APBA1: variants seen among roughly 807,000 people sequenced by gnomAD.
APBA1 encodes amyloid beta precursor protein binding family A member 1.
In APBA1, 55 loss-of-function variants were observed where a neutral mutation model predicts 86.6. The ratio of observed to expected loss-of-function variants is 0.64; its 90% CI spans 0.51 to 0.80. The LOEUF (loss-of-function observed/expected upper bound fraction) is 0.80. Ranked by LOEUF, APBA1 falls within the 30% of genes least tolerant of loss-of-function variation. APBA1 has a pLI of 0.00. For missense variants in APBA1, 1,090 were observed against 1,183.0 expected, an observed-to-expected ratio of 0.92 and a Z score of 1.15; for synonymous variants, 511 against 493.9, an observed-to-expected ratio of 1.03 and a Z score of -0.46.
intron 2 of APBA1, among the ~76,000 whole-genome samples, chr9:69,513,802 G>A (rs749865784): frequency 2.0e-5 from 3 of 152,164 alleles, no homozygotes; most frequent in Non-Finnish European, 2.9e-5. Context: ...TCTGACCTGC[G>A]TAGCTCTTTA....
At chr9:69,459,718 T>C (rs922368942) in intron 5 of APBA1, among the ~76,000 whole-genome samples, 2 of 152,242 alleles carry the variant, frequency 1.3e-5, no homozygotes, top group African/African-American at 4.8e-5. Flanking sequence ...TGTGCAACTT[T>C]GAGGCAAGCC....
rs188190996 is a variant in APBA1, at chr9:69,432,346, G to A, written c.2442+190C>T. On this transcript the variant is annotated intron_variant, in intron 12 of 12. Transcript: ENST00000265381. ...GGTGATCTGATTCCATTTCATGGAGGAGCTCCCAGATAACTGCTTGCTAAT... is the reference window on the plus strand; with the variant it reads ...GGTGATCTGATTCCATTTCATGGAGAAGCTCCCAGATAACTGCTTGCTAAT... 8.2e-4 allele frequency among the ~76,000 whole-genome samples: 125 copies of A among 152,342 alleles called. 1 individual carries two copies. The highest frequency in any genetic ancestry group is 1.5e-3 in the Non-Finnish European group (102 of 68,034).
chr9:69,482,800 A>G (rs1031654749), intron 2 of APBA1, among the ~76,000 whole-genome samples: 3 of 152,028 alleles, frequency 2.0e-5, no homozygotes, highest in African/African-American at 7.2e-5. Context: ...AGCCATAAAA[A>G]ATGATGAGTT....
Position 69,456,375 on chromosome 9 carries a change from T to C in APBA1, c.1660A>G (p.Ile554Val). 1.2e-6 allele frequency: 2 copies of C among 1,613,558 alleles called. No individual in the cohort carries two copies. Among genetic ancestry groups the C allele is most frequent in the African/African-American group, 1.3e-5 (1 of 75,040 alleles). ...TISYIADIGN[I>V]VVLMARRRMP... The stretch of plus-strand genomic sequence containing the variant: ...CGCCGGCGGGCCATCAGCACAACGA[T>C]GTTCCCAATGTCCGCAATGTAGGAA... The change falls in exon 8 of 13, where the codon ATC becomes GTC. Residue 554 changes from isoleucine to valine, a missense_variant. Ile to Val is a conservative substitution (Grantham distance 29). Transcript: ENST00000265381.
In APBA1 at chr9:69,516,237, G is replaced by A. The variant is rs1298557641; in HGVS notation, c.974C>T (p.Ala325Val). Residue 325 changes from alanine to valine, a missense_variant, in exon 2 of 13, where the codon GCG (alanine) becomes GTG (valine). Ala to Val is a moderately conservative substitution (Grantham distance 64). Around this residue, in one of 6 missense-constraint regions of APBA1, gnomAD observed 678 missense variants for 647.1 expected, o/e 1.05. Coordinates refer to ENST00000265381, the MANE Select transcript of APBA1 (RefSeq NM_001163.4). The surrounding 1 kb of genome is among the most constrained non-coding windows in gnomAD (Gnocchi z 7.3). ...GLQAPAGQQR[A>V]VGPAGGGEAG... ...CTCGCCGCCGCCCGCGGGGCCCACC[G>A]CCCGCTGCTGCCCCGCCGGCGCCTG... is the stretch of plus-strand genomic sequence containing the variant. 7.2e-7 allele frequency: 1 copy of A among 1,386,882 alleles called. No homozygotes were observed. Among genetic ancestry groups the A allele is most frequent in the Non-Finnish European group, 9.3e-7 (1 of 1,072,472 alleles). 85.9% of individuals were successfully genotyped at this position (1,386,882 alleles called of 1,614,324 possible). A position where few individuals can be genotyped will look rare whatever the true frequency, so the allele number is the denominator to read the frequency against.
At chr9:69,432,724 G>T in intron 11 of APBA1, 48 bp from the exon 12 acceptor site, 1 of 1,416,062 alleles carries the variant, frequency 7.1e-7, no homozygotes, top group African/African-American at 1.5e-5. Flanking sequence ...CAGTGCGGTG[G>T]GGCTGGAAGG....
At position 69,516,585 on chromosome 9, in the gene APBA1, G is replaced by A; in HGVS notation, c.626C>T (p.Ala209Val). 6.2e-7 allele frequency: 1 copy of A among 1,602,840 alleles called. No individual in the cohort carries two copies. The highest frequency in any genetic ancestry group is 1.1e-5 in the South Asian group (1 of 90,896). The change falls in exon 2 of 13, where the codon GCA becomes GTA. Residue 209 changes from alanine to valine, a missense_variant. By Grantham distance (64) the Ala-to-Val change is moderately conservative. Coordinates refer to ENST00000265381, the MANE Select transcript of APBA1 (RefSeq NM_001163.4). The surrounding 1 kb of genome is among the most constrained non-coding windows in gnomAD (Gnocchi z 7.3). Reference sequence around the variant, plus strand: ...CTCGTAGAGCCGCAGGCCGTCGCGTGCGTCCAGCTCGGGCGCGTCCCCTAT... The same window carrying A: ...CTCGTAGAGCCGCAGGCCGTCGCGTACGTCCAGCTCGGGCGCGTCCCCTAT... ...EEIGDAPELD[A>V]RDGLRLYEQE...
intron 2 of APBA1, among the ~76,000 whole-genome samples, chr9:69,481,234 C>G (rs1188106009): frequency 6.6e-5 from 10 of 152,020 alleles, no homozygotes; most frequent in Admixed American, 6.5e-4. Context: ...CCCACTGTCT[C>G]AGCCCAAAAT....
chr9:69,474,474 G>C (rs1289653859), intron 3 of APBA1: 2 of 152,304 alleles, frequency 1.3e-5, no homozygotes, highest in East Asian at 1.9e-4. Context: ...CCAGTTCCTG[G>C]AACATTGTCA....
chr9:69,583,405 A>G (rs138716886), intron 1 of APBA1, among the ~76,000 whole-genome samples: 2 of 152,250 alleles, frequency 1.3e-5, no homozygotes, highest in African/African-American at 4.8e-5. Context: ...TAGGGGTTCA[A>G]CACCACAACC....
chr9:69,642,017 T>C (rs1823297923), intron 1 of APBA1, among the ~76,000 whole-genome samples: 1 of 152,208 alleles, frequency 6.6e-6, no homozygotes, highest in African/African-American at 2.4e-5. Flanking sequence ...GGCTAATTTT[T>C]TGTATTTTAG....
chr9:69,483,250 A>T (rs1170265512), intron 2 of APBA1, among the ~76,000 whole-genome samples: 2 of 151,574 alleles, frequency 1.3e-5, no homozygotes, highest in African/African-American at 4.8e-5. Flanking sequence ...CAAAAGGCAT[A>T]AAACACAGAG....
Position 69,511,587 on chromosome 9 carries a change from G to T in APBA1, c.1200+4424C>A, listed in dbSNP as rs1836041925. 1.3e-5 allele frequency among the ~76,000 whole-genome samples: 2 copies of T among 151,710 alleles called. 1 individual carries two copies. Among genetic ancestry groups the T allele is most frequent in the South Asian group, 4.2e-4 (2 of 4,806 alleles). On this transcript the variant is annotated intron_variant, in intron 2 of 12. Transcript: ENST00000265381. Reference sequence around the variant, plus strand: ...CCCATTACTGGGTATATACCCAGAGGACTATAAATCATGCTGCTATAAAGA... The same window carrying T: ...CCCATTACTGGGTATATACCCAGAGTACTATAAATCATGCTGCTATAAAGA...
intron 2 of APBA1, among the ~76,000 whole-genome samples, chr9:69,498,985 G>A (rs1007164095): frequency 6.6e-6 from 1 of 152,106 alleles, no homozygotes; most frequent in African/African-American, 2.4e-5. Context: ...AGGTCTGCCT[G>A]GAAAACACAC....
rs565857394 is a variant in APBA1, at chr9:69,566,384, G to C, written c.-69-49105C>G. Among the ~76,000 whole-genome samples, 13 of 152,284 alleles carry C rather than the reference G, an allele frequency of 8.5e-5. 1 individual carries two copies. The South Asian group carries it at 2.7e-3, about 32-fold the overall frequency. Reference sequence around the variant, plus strand: ...TATTTGTAGGTGGGTTTCTACACCTGATTGCAAGTTTCTTGAAGGCATGTA... The same window carrying C: ...TATTTGTAGGTGGGTTTCTACACCTCATTGCAAGTTTCTTGAAGGCATGTA... On this transcript the variant is annotated intron_variant, in intron 1 of 12. Coordinates refer to ENST00000265381, the MANE Select transcript of APBA1 (RefSeq NM_001163.4).
chr9:69,593,617 C>T (rs1001112651), intron 1 of APBA1, among the ~76,000 whole-genome samples: 21 of 152,114 alleles, frequency 1.4e-4, no homozygotes, highest in Admixed American at 1.3e-3. Context: ...GCCTGAAGCA[C>T]AAGTATTATT....
At chr9:69,607,680 C>A (rs1336934866) in intron 1 of APBA1, among the ~76,000 whole-genome samples, 1 of 152,108 alleles carries the variant, frequency 6.6e-6, no homozygotes, top group African/African-American at 2.4e-5. Flanking sequence ...TTTTGACTTA[C>A]TAAAGTAAAA....
intron 1 of APBA1, among the ~76,000 whole-genome samples, chr9:69,608,104 G>A (rs565277663): frequency 1.0e-3 from 153 of 152,230 alleles, no homozygotes; most frequent in African/African-American, 2.8e-3. Flanking sequence ...TACTTAATTG[G>A]AAGTGCATGA....
chr9:69,581,487 G>T (rs554340981), intron 1 of APBA1, among the ~76,000 whole-genome samples: 2 of 152,140 alleles, frequency 1.3e-5, no homozygotes, highest in South Asian at 2.1e-4. Context: ...GTGTGTTTGC[G>T]GGGGCAGAGA....
Sources: gnomAD v4.1 joint callset for allele counts (sites outside exome capture counted in the v4.1 genomes callset) on GRCh38, gnomAD v4.1.1 for gene constraint, gnomAD v4.1.1 regional missense constraint, Gnocchi (gnomAD v3.1) non-coding constraint, MANE v1.5 for transcripts, NCBI Gene and HGNC (gene_info 2026-07-23, HGNC 2026-07-21) for gene names.